WDR47: variants seen among roughly 807,000 people sequenced by gnomAD.
WDR47 encodes WD repeat domain 47.
Under a neutral mutation model 97.2 loss-of-function variants are expected in WDR47, and 32 were observed. That is an observed-to-expected ratio of 0.33 (90% CI 0.25 to 0.44). The LOEUF is 0.44. WDR47 is among the 20% of genes least tolerant of loss of function. WDR47 has a pLI of 1.00. For synonymous variants in WDR47, 375 were observed against 373.5 expected, an observed-to-expected ratio of 1.00 and a Z score of -0.05; for missense variants, 782 against 1,102.3, an observed-to-expected ratio of 0.71 and a Z score of 4.11.
chr1:108,983,047 G>A (rs561699865), intron 11 of WDR47, among the ~76,000 whole-genome samples: 10 of 152,096 alleles, frequency 6.6e-5, no homozygotes, highest in African/African-American at 2.4e-4. Flanking sequence ...GCTATTTAAA[G>A]GCTATTTTTC....
intron 8 of WDR47, among the ~76,000 whole-genome samples, chr1:108,994,517 G>A (rs752509860): frequency 5.3e-5 from 8 of 152,140 alleles, no homozygotes; most frequent in Non-Finnish European, 8.8e-5. Context: ...GCTGAGGTAG[G>A]AGGATCACTT....
rs560597064 is a variant in WDR47, at chr1:109,039,897, G to T, written c.-10+1965C>A. Among the ~76,000 whole-genome samples the T allele has an allele frequency of 2.6e-5, 4 of 152,016 alleles. No individual in the cohort carries two copies. In the South Asian group the frequency reaches 6.3e-4, roughly 24 times the overall value. ...CTAAAAATACAAAAAGTAGCCGGGCGTGGTGGCAGGCACCTGTAATCCCAG... is the reference window on the plus strand; with the variant it reads ...CTAAAAATACAAAAAGTAGCCGGGCTTGGTGGCAGGCACCTGTAATCCCAG... On this transcript the variant is annotated intron_variant, in intron 1 of 14. Coordinates refer to ENST00000369962, the MANE Select transcript of WDR47 (RefSeq NM_001142551.2).
intron 7 of WDR47, 115 bp from the exon 8 acceptor site, chr1:108,995,952 G>T: frequency 9.4e-7 from 1 of 1,064,988 alleles, no homozygotes; most frequent in Non-Finnish European, 1.3e-6. Flanking sequence ...TATAATCTAT[G>T]GCAAATTTAG....
rs1663405341 is a variant in WDR47 at position 109,041,980 on chromosome 1, T to A, written c.-128A>T. Reference sequence around the variant, plus strand: ...CGGCAGGAGCACGACGGCGGCGGTCTGGGTTTGGCGTCGGTCCTCCCTCCT... The same window carrying A: ...CGGCAGGAGCACGACGGCGGCGGTCAGGGTTTGGCGTCGGTCCTCCCTCCT... On this transcript the variant is annotated 5_prime_UTR_variant, in exon 1 of 15. Transcript: ENST00000369962. The A allele has an allele frequency of 6.6e-6, 1 of 152,242 alleles. No individual in the cohort carries two copies. The highest frequency in any genetic ancestry group is 2.4e-5 in the African/African-American group (1 of 41,448). The allele number at this position is 152,242 out of a possible 1,614,324, so 9.4% of individuals were successfully genotyped here.
intron 13 of WDR47, among the ~76,000 whole-genome samples, chr1:108,978,593 C>T (rs1012547794): frequency 1.3e-5 from 2 of 151,822 alleles, no homozygotes; most frequent in African/African-American, 2.4e-5. Flanking sequence ...CACTTAAAGC[C>T]GGGGAAATGG....
At chr1:108,985,087 C>T (rs79792766) in intron 10 of WDR47, among the ~76,000 whole-genome samples, 7,815 of 152,264 alleles carry the variant, frequency 0.051, 289 homozygotes, top group South Asian at 0.098. Context: ...CTCCCAGTGT[C>T]TCCTCTTATT....
At chr1:108,979,387 A>T (rs2101803263) in intron 13 of WDR47, among the ~76,000 whole-genome samples, 1 of 152,300 alleles carries the variant, frequency 6.6e-6, no homozygotes, top group Admixed American at 6.5e-5. Flanking sequence ...GGGGCTGGGC[A>T]GGGTGGTGTG....
intron 10 of WDR47, among the ~76,000 whole-genome samples, chr1:108,983,872 G>C (rs921688893): frequency 6.6e-6 from 1 of 152,174 alleles, no homozygotes; most frequent in Non-Finnish European, 1.5e-5. Context: ...CAATGTGCAA[G>C]AGTTCTGTCC....
chr1:108,974,616 C>T lies in WDR47; in HGVS notation c.2537G>A (p.Arg846His), dbSNP rs774612511. ...AGCTCCAGGGGAGAATCGAACAGAG[C>T]GAACATCACTGGAATGAGGATGATA... ...QSYHPHSSDVRSVRFSPGAHY... is the reference protein window; with the variant it reads ...QSYHPHSSDVHSVRFSPGAHY... The change falls in exon 14 of 15, where the codon CGC (arginine) becomes CAC (histidine). Residue 846 changes from arginine (R) to histidine (H), a missense_variant. Arg to His is a conservative substitution (Grantham distance 29). This residue lies in a region of WDR47 where 228 missense variants were observed against 396.7 expected (regional missense o/e 0.57). Coordinates refer to ENST00000369962, the MANE Select transcript of WDR47 (RefSeq NM_001142551.2). 7 of 1,613,950 alleles carry T rather than the reference C, an allele frequency of 4.3e-6. No individual in the cohort carries two copies. Among genetic ancestry groups the T allele is most frequent in the East Asian group, 2.2e-5 (1 of 44,876 alleles).
chr1:109,037,175 C>T (rs917021025), intron 1 of WDR47, among the ~76,000 whole-genome samples: 1 of 151,272 alleles, frequency 6.6e-6, no homozygotes, highest in African/African-American at 2.4e-5. Context: ...ACCAAAAATA[C>T]AAAATTAGCC....
chr1:109,005,895 A>G (rs1004288107), intron 5 of WDR47, among the ~76,000 whole-genome samples: 2 of 152,126 alleles, frequency 1.3e-5, no homozygotes, highest in Middle Eastern at 3.4e-3. Context: ...AATAAATAAA[A>G]AATAAAATCA....
At position 109,013,868 on chromosome 1, in the gene WDR47, C is replaced by T. The variant is rs746393621; in HGVS notation, c.300G>A (p.Ala100=). The T allele has an allele frequency of 2.8e-5, 45 of 1,613,394 alleles. No individual in the cohort carries two copies. Among genetic ancestry groups the T allele is most frequent in the Middle Eastern group, 1.6e-4 (1 of 6,082 alleles). ...KFLEALCVNN[A]MSAEDEPQHL... ...GCTGGGGCTCATCTTCTGCTGACAT[C>T]GCGTTGTTAACACATAAAGCTTCTA... The change falls in exon 4 of 15, where the codon GCG becomes GCA. Residue 100 remains alanine, a synonymous_variant. Coordinates refer to ENST00000369962, the MANE Select transcript of WDR47 (RefSeq NM_001142551.2).
At chr1:108,997,612 T>C (rs917710380) in intron 7 of WDR47, among the ~76,000 whole-genome samples, 7 of 150,086 alleles carry the variant, frequency 4.7e-5, no homozygotes, top group African/African-American at 7.4e-5. Context: ...AAAAAAAAAT[T>C]AGCCAGGCGT....
intron 2 of WDR47, among the ~76,000 whole-genome samples, chr1:109,022,685 A>C (rs1175778864): frequency 6.6e-6 from 1 of 152,016 alleles, no homozygotes; most frequent in African/African-American, 2.4e-5. Flanking sequence ...CCCTGGTTCA[A>C]ATGATTCTCC....
chr1:108,972,830 C>T (rs998299734), intron 14 of WDR47, among the ~76,000 whole-genome samples: 2 of 151,860 alleles, frequency 1.3e-5, no homozygotes, highest in Non-Finnish European at 2.9e-5. Context: ...GCCTGTAGTT[C>T]CAGCTACTTG....
intron 8 of WDR47, 98 bp from the exon 9 acceptor site, chr1:108,991,427 C>T (rs1383664861): frequency 2.8e-6 from 3 of 1,054,746 alleles, no homozygotes; most frequent in African/African-American, 1.6e-5. Flanking sequence ...TTTTAGCAAA[C>T]AATCCTAGCT....
intron 1 of WDR47, among the ~76,000 whole-genome samples, chr1:109,036,691 C>T (rs941708773): frequency 2.6e-5 from 4 of 151,888 alleles, no homozygotes; most frequent in Admixed American, 2.0e-4. Context: ...AAAAAATTAG[C>T]TGGGCGTGGT....
chr1:109,023,423 A>G lies in WDR47; in HGVS notation c.90T>C (p.Ser30=), dbSNP rs1184432032. ...CACTTTCCTTCTCCAGGGCCAGCAT[A>G]CTAATGTGAAGCTTCTTTGAATTCA... ...DFLNSKKLHI[S]MLALEKESGV... is the part of the protein sequence containing the mutation. Residue 30 remains serine (S), a synonymous_variant, in exon 2 of 15, where the codon AGT becomes AGC. Transcript: ENST00000369962. 1 of 1,613,756 alleles carries G rather than the reference A, an allele frequency of 6.2e-7. No individual in the cohort carries two copies. Among genetic ancestry groups the G allele is most frequent in the Non-Finnish European group, 8.5e-7 (1 of 1,179,914 alleles).
In WDR47 at chr1:109,017,616, T is replaced by A. The variant is rs528075596; in HGVS notation, c.159-15A>T. ...GTATTAGCTGCCTAAATAAAAAATT[T>A]AAAAAAACCAGCATGTCACCAAATT... On this transcript the variant is annotated splice_polypyrimidine_tract_variant and intron_variant, in intron 2 of 14. Transcript: ENST00000369962. 19 of 1,598,444 alleles carry A rather than the reference T, an allele frequency of 1.2e-5. No individual in the cohort carries two copies. The East Asian group carries it at 3.6e-4, about 30-fold the overall frequency.
Sources: allele counts gnomAD v4.1 joint callset (sites outside exome capture counted in the v4.1 genomes callset), GRCh38; gene constraint gnomAD v4.1.1; regional missense constraint gnomAD v4.1.1; transcripts MANE v1.5; gene names NCBI Gene and HGNC (gene_info 2026-07-23, HGNC 2026-07-21).